DIAPH2: variants seen among roughly 807,000 people sequenced by gnomAD.
DIAPH2 encodes diaphanous related formin 2.
Under a neutral mutation model 92.7 loss-of-function variants are expected in DIAPH2, and 35 were observed. The observed-to-expected ratio is 0.38, with a 90% CI of 0.29 to 0.50. DIAPH2 has a LOEUF of 0.50. Ranked by LOEUF, DIAPH2 falls within the 20% of genes least tolerant of loss-of-function variation. The pLI, the probability that DIAPH2 is intolerant of heterozygous loss-of-function variation, is 0.94. For missense variants in DIAPH2, 701 were observed against 819.5 expected, an observed-to-expected ratio of 0.86 and a Z score of 1.77; for synonymous variants, 301 against 280.4, an observed-to-expected ratio of 1.07 and a Z score of -0.73.
At chrX:96,838,265 C>A (rs1185939424) in intron 4 of DIAPH2, among the ~76,000 whole-genome samples, 1 of 111,557 alleles carries the variant, frequency 9.0e-6, no homozygotes, top group Non-Finnish European at 1.9e-5. Flanking sequence ...AAGGTAATTT[C>A]TTCAGAATCA....
intron 26 of DIAPH2, among the ~76,000 whole-genome samples, chrX:97,453,685 A>T (rs1464747908): frequency 3.6e-5 from 4 of 111,867 alleles, no homozygotes; most frequent in African/African-American, 1.3e-4. Flanking sequence ...TATTTATTTC[A>T]TGTGATTCAA....
At chrX:96,851,084 G>A (rs1223412732) in intron 4 of DIAPH2, among the ~76,000 whole-genome samples, 1 of 111,038 alleles carries the variant, frequency 9.0e-6, no homozygotes, top group Non-Finnish European at 1.9e-5. Flanking sequence ...GCAGGAATGT[G>A]GATGATTATG....
chrX:97,040,558 T>G (rs1244998622), intron 17 of DIAPH2, among the ~76,000 whole-genome samples: 7 of 110,961 alleles, frequency 6.3e-5, no homozygotes, highest in Non-Finnish European at 1.3e-4. Context: ...GATACATTTT[T>G]GTATATGTTG....
At chrX:97,487,436 G>A (rs1015508174) in intron 26 of DIAPH2, among the ~76,000 whole-genome samples, 13 of 110,563 alleles carry the variant, frequency 1.2e-4, no homozygotes, top group Admixed American at 3.8e-4. Flanking sequence ...CACCACGCCC[G>A]GCTCATTTTT....
chrX:97,219,186 A>G (rs2067905942), intron 22 of DIAPH2, among the ~76,000 whole-genome samples: 1 of 112,691 alleles, frequency 8.9e-6, no homozygotes, highest in South Asian at 3.6e-4. Context: ...CATTCCTCTG[A>G]AAGCAAGTCA....
intron 25 of DIAPH2, among the ~76,000 whole-genome samples, chrX:97,399,681 T>C (rs1180455076): frequency 8.9e-6 from 1 of 112,239 alleles, no homozygotes; most frequent in Non-Finnish European, 1.9e-5. Flanking sequence ...ATTCAGTTTC[T>C]ATTTGAAAGG....
chrX:97,551,674 G>C (rs28701718), intron 26 of DIAPH2, among the ~76,000 whole-genome samples: 2,950 of 110,476 alleles, frequency 0.027, 33 homozygotes, highest in Non-Finnish European at 0.039. Context: ...AGTAAAGCAG[G>C]AATGTTATAA....
At chrX:97,165,728 C>A (rs1463919872) in intron 22 of DIAPH2, among the ~76,000 whole-genome samples, 3 of 108,868 alleles carry the variant, frequency 2.8e-5, no homozygotes, top group Admixed American at 9.9e-5. Context: ...GTCTCAAACT[C>A]CTGACCTCAA....
intron 23 of DIAPH2, among the ~76,000 whole-genome samples, chrX:97,301,150 CA>C (rs1220185711): frequency 0.044 from 1,432 of 32,180 alleles, 10 homozygotes; most frequent in East Asian, 0.12. Flanking sequence ...GACTCCGTCT[CA>C]AAAAAAAAAA....
At chrX:97,051,219 C>A (rs2066518050) in intron 17 of DIAPH2, among the ~76,000 whole-genome samples, 1 of 111,075 alleles carries the variant, frequency 9.0e-6, no homozygotes, top group African/African-American at 3.3e-5. Context: ...GGGCTATTAA[C>A]TTTTATAATA....
chrX:97,261,936 A>T (rs769039340), intron 23 of DIAPH2, among the ~76,000 whole-genome samples: 32 of 110,606 alleles, frequency 2.9e-4, no homozygotes, highest in African/African-American at 9.8e-4. Context: ...TCTCTGATTC[A>T]TCACACCAGT....
intron 5 of DIAPH2, among the ~76,000 whole-genome samples, chrX:96,892,416 T>C (rs1403283691): frequency 8.9e-6 from 1 of 111,894 alleles, no homozygotes; most frequent in East Asian, 2.8e-4. Flanking sequence ...AGTATATTTA[T>C]ACATACAATA....
intron 13 of DIAPH2, among the ~76,000 whole-genome samples, chrX:96,942,825 G>A (rs374004597): frequency 4.6e-5 from 5 of 109,513 alleles, no homozygotes; most frequent in Admixed American, 9.7e-5. Flanking sequence ...ATACTTAATT[G>A]GAATCACTAT....
intron 26 of DIAPH2, among the ~76,000 whole-genome samples, chrX:97,526,689 C>G (rs2071026720): frequency 9.0e-6 from 1 of 111,256 alleles, no homozygotes; most frequent in East Asian, 2.8e-4. Flanking sequence ...TCATTGATTC[C>G]CTAGAACCAT....
chrX:96,713,486 T>C (rs914275452), intron 1 of DIAPH2, among the ~76,000 whole-genome samples: 3 of 111,742 alleles, frequency 2.7e-5, no homozygotes, highest in African/African-American at 9.8e-5. Flanking sequence ...AAGGAACTTA[T>C]GTTGACACAT....
chrX:97,362,336 A>G (rs754645035), intron 24 of DIAPH2, among the ~76,000 whole-genome samples: 31 of 111,928 alleles, frequency 2.8e-4, no homozygotes, highest in Middle Eastern at 4.6e-3. Context: ...GTTGCTCAGT[A>G]TTATTTGAAT....
At chrX:97,445,695 G>A (rs781624385) in intron 26 of DIAPH2, among the ~76,000 whole-genome samples, 2 of 108,143 alleles carry the variant, frequency 1.8e-5, no homozygotes, top group Non-Finnish European at 3.8e-5. Context: ...TGATCTGCCC[G>A]CCTCGGCCTC....
intron 1 of DIAPH2, among the ~76,000 whole-genome samples, chrX:96,691,189 GC>G (rs1257084513): frequency 9.0e-6 from 1 of 111,619 alleles, no homozygotes; most frequent in Non-Finnish European, 1.9e-5. Context: ...GGTACCACTA[GC>G]ACTACAGGGG....
chrX:96,751,656 T>A, intron 3 of DIAPH2, among the ~76,000 whole-genome samples: 1 of 73,191 alleles, frequency 1.4e-5, no homozygotes, highest in African/African-American at 4.6e-5. Context: ...TGTTTTGTTT[T>A]TTTTTTTTTT....
Sources: gnomAD v4.1 joint callset for allele counts (sites outside exome capture counted in the v4.1 genomes callset) on GRCh38, gnomAD v4.1.1 for gene constraint, MANE v1.5 for transcripts, NCBI Gene and HGNC (gene_info 2026-07-23, HGNC 2026-07-21) for gene names.